RBFOX1: variants seen among roughly 807,000 people sequenced by gnomAD.
RBFOX1 encodes RNA binding protein fox-1 homolog 1.
Under a neutral mutation model 57.7 loss-of-function variants are expected in RBFOX1, and 8 were observed. That is an observed-to-expected ratio of 0.14 (90% confidence interval 0.08 to 0.25). The LOEUF (loss-of-function observed/expected upper bound fraction) is 0.25, where lower values mean the gene tolerates loss of function less well. RBFOX1 is among the 10% of genes least tolerant of loss of function. The pLI, the probability that RBFOX1 is intolerant of heterozygous loss-of-function variation, is 1.00. For missense variants in RBFOX1, 611 were observed against 548.5 expected (o/e 1.11, Z -1.14); for synonymous variants, 326 against 222.4 (o/e 1.47, Z -4.15).
intron 3 of RBFOX1, among the ~76,000 whole-genome samples, chr16:5,690,704 T>C (rs1465897170): frequency 6.6e-6 from 1 of 152,168 alleles, no homozygotes; most frequent in African/African-American, 2.4e-5. Context: ...TTCAAATGAA[T>C]GGGTACAGAA....
At chr16:7,524,180 A>T (rs1473150322) in intron 5 of RBFOX1, among the ~76,000 whole-genome samples, 1 of 152,202 alleles carries the variant, frequency 6.6e-6, no homozygotes, top group Non-Finnish European at 1.5e-5. Context: ...GGGTAAGAGA[A>T]ACCAGCCATC....
At chr16:6,576,862 G>C (rs545863772) in intron 2 of RBFOX1, 4 of 152,182 alleles carry the variant, frequency 2.6e-5, no homozygotes, top group Non-Finnish European at 4.4e-5. Context: ...AAAGGATACA[G>C]TGCCAGAGTC....
chr16:6,804,110 G>C (rs896195429), intron 3 of RBFOX1, among the ~76,000 whole-genome samples: 1 of 151,894 alleles, frequency 6.6e-6, no homozygotes, highest in African/African-American at 2.4e-5. Flanking sequence ...GGGTTCAAGT[G>C]ATTCTCCTTG....
At chr16:7,369,128 A>T (rs1383899949) in intron 4 of RBFOX1, among the ~76,000 whole-genome samples, 2 of 152,116 alleles carry the variant, frequency 1.3e-5, no homozygotes, top group East Asian at 1.9e-4. Flanking sequence ...CTCAGCGTGG[A>T]TTGGGGTATC....
chr16:7,073,139 G>A (rs781553788), intron 4 of RBFOX1, among the ~76,000 whole-genome samples: 3 of 152,174 alleles, frequency 2.0e-5, no homozygotes, highest in Non-Finnish European at 2.9e-5. Context: ...TAGGGCAAGG[G>A]TCAGCAAATT....
intron 3 of RBFOX1, among the ~76,000 whole-genome samples, chr16:5,709,811 A>ATATATATATATATATC (rs1457349049): frequency 1.6e-3 from 18 of 11,294 alleles, no homozygotes; most frequent in African/African-American, 0.01. Context: ...CAGTTTCTTT[A>ATATATATATATATATC]TATATATATA....
intron 14 of RBFOX1, among the ~76,000 whole-genome samples, chr16:7,688,648 C>T (rs147309446): frequency 4.6e-4 from 70 of 152,008 alleles, no homozygotes; most frequent in African/African-American, 1.5e-3. Flanking sequence ...GGGTGATATG[C>T]GGCAATCCAC....
At chr16:6,637,101 ATATATT>A (rs1413711026) in intron 2 of RBFOX1, among the ~76,000 whole-genome samples, 1 of 40,104 alleles carries the variant, frequency 2.5e-5, no homozygotes, top group Non-Finnish European at 5.7e-5. Context: ...TATTAAATAT[ATATATT>A]ATATAATATA....
At chr16:7,575,227 T>A (rs2093213012) in intron 5 of RBFOX1, among the ~76,000 whole-genome samples, 1 of 152,018 alleles carries the variant, frequency 6.6e-6, no homozygotes, top group Admixed American at 6.6e-5. Context: ...CTCTGCCTCC[T>A]GGATTCAAGC....
At chr16:5,785,485 G>T (rs1027774325) in intron 3 of RBFOX1, among the ~76,000 whole-genome samples, 1 of 151,968 alleles carries the variant, frequency 6.6e-6, no homozygotes, top group African/African-American at 2.4e-5. Context: ...CAGGGTCTCT[G>T]CATGGTGTCT....
At chr16:5,342,364 C>T (rs745387005) in intron 1 of RBFOX1, among the ~76,000 whole-genome samples, 5 of 152,106 alleles carry the variant, frequency 3.3e-5, no homozygotes, top group Admixed American at 3.3e-4. Context: ...TGGGGGACTA[C>T]AGAGCAGAGT....
At chr16:7,178,210 T>A (rs181460721) in intron 4 of RBFOX1, among the ~76,000 whole-genome samples, 1 of 152,240 alleles carries the variant, frequency 6.6e-6, no homozygotes, top group Non-Finnish European at 1.5e-5. Context: ...AGGGAAACTT[T>A]CCTCCACACA....
Position 7,661,630 on chromosome 16 carries a change from G to C in RBFOX1, c.891-3299G>C, listed in dbSNP as rs185754689. Among the ~76,000 whole-genome samples the C allele has an allele frequency of 7.3e-4, 111 of 152,310 alleles. 1 individual carries two copies. In the East Asian group the frequency reaches 0.013, roughly 18 times the overall value. Reference sequence around the variant, plus strand: ...ACAGTTTTATGCATAATTTGTGACTGTGTGTCCCACTTCCTGTACACTCTG... The same window carrying C: ...ACAGTTTTATGCATAATTTGTGACTCTGTGTCCCACTTCCTGTACACTCTG... On this transcript the variant is annotated intron_variant, in intron 12 of 15. Coordinates refer to ENST00000550418, the MANE Select transcript of RBFOX1 (RefSeq NM_018723.4).
chr16:7,371,161 C>G (rs894763055), intron 4 of RBFOX1, among the ~76,000 whole-genome samples: 1 of 152,174 alleles, frequency 6.6e-6, no homozygotes, highest in Admixed American at 6.6e-5. Context: ...TTCTCCCTCC[C>G]AAACTGGCCC....
chr16:7,444,518 G>A (rs145498260), intron 4 of RBFOX1, among the ~76,000 whole-genome samples: 1 of 152,222 alleles, frequency 6.6e-6, no homozygotes, highest in Non-Finnish European at 1.5e-5. Context: ...TCCTCTGACT[G>A]GGTTCTGATT....
rs11646580 is a variant in RBFOX1, at chr16:6,897,717, C to T, written c.-15-154340C>T. On this transcript the variant is annotated intron_variant, in intron 3 of 15. Coordinates refer to ENST00000550418, the MANE Select transcript of RBFOX1 (RefSeq NM_018723.4). ...CTGAGGCAGGACAGTTGCTTGAACC[C>T]GGGAGGCAGAGGTTGCAGTGTGCTG... is the stretch of plus-strand genomic sequence containing the variant. Among the ~76,000 whole-genome samples, 373 of 152,154 alleles carry T rather than the reference C, an allele frequency of 2.5e-3. 2 individuals are homozygous for T. Among genetic ancestry groups the T allele is most frequent in the Middle Eastern group, 0.01 (3 of 294 alleles).
intron 14 of RBFOX1, among the ~76,000 whole-genome samples, chr16:7,691,574 G>A (rs1219674321): frequency 6.6e-6 from 1 of 152,060 alleles, no homozygotes; most frequent in Admixed American, 6.6e-5. Flanking sequence ...ATAAAATTCT[G>A]AAACAATTTT....
At chr16:7,007,346 A>G (rs552412341) in intron 3 of RBFOX1, among the ~76,000 whole-genome samples, 2 of 152,318 alleles carry the variant, frequency 1.3e-5, no homozygotes, top group East Asian at 3.9e-4. Flanking sequence ...TTCTTCTGCC[A>G]TATGTACCTC....
intron 3 of RBFOX1, among the ~76,000 whole-genome samples, chr16:6,780,017 T>TTA (rs1399022243): frequency 2.2e-4 from 5 of 22,290 alleles, no homozygotes; most frequent in Admixed American, 9.5e-4. Context: ...TTATATATAT[T>TTA]TATATATTTA....
Sources: allele counts gnomAD v4.1 joint callset (sites outside exome capture counted in the v4.1 genomes callset), GRCh38; gene constraint gnomAD v4.1.1; transcripts MANE v1.5; gene names NCBI Gene and HGNC (gene_info 2026-07-23, HGNC 2026-07-21).